Variants in CCDC170 observed in about 807,000 individuals in gnomAD.
CCDC170 encodes coiled-coil domain-containing protein 170.
In CCDC170, 69 loss-of-function variants were observed where a neutral mutation model predicts 72.6. The observed-to-expected ratio is 0.95, with a 90% CI of 0.78 to 1.16. The LOEUF (loss-of-function observed/expected upper bound fraction) is 1.16. Among genes scored for constraint, CCDC170 ranks in the 50% most tolerant of loss-of-function variants. CCDC170 has a pLI of 0.00. For missense variants in CCDC170, 852 were observed against 832.5 expected (o/e 1.02, Z -0.29); for synonymous variants, 300 against 303.9 (o/e 0.99, Z 0.13).
chr6:151,586,929 C>T (rs1174815214), intron 7 of CCDC170, among the ~76,000 whole-genome samples: 2 of 151,802 alleles, frequency 1.3e-5, no homozygotes, highest in Non-Finnish European at 2.9e-5. Flanking sequence ...AGATTACAGG[C>T]GCCCGCCACC....
At chr6:151,535,602 G>T (rs946928301) in intron 1 of CCDC170, among the ~76,000 whole-genome samples, 4 of 152,176 alleles carry the variant, frequency 2.6e-5, no homozygotes, top group African/African-American at 9.6e-5. Context: ...TCATCTTTGT[G>T]ATCTGGACAA....
chr6:151,573,128 T>G (rs763487641), intron 5 of CCDC170, 46 bp from the exon 6 acceptor site: 1 of 1,538,890 alleles, frequency 6.5e-7, no homozygotes, highest in East Asian at 2.3e-5. Context: ...AGGTGTACCC[T>G]GTTGACTTCT....
chr6:151,554,531 C>G (rs1237579641), intron 5 of CCDC170, among the ~76,000 whole-genome samples: 1 of 152,028 alleles, frequency 6.6e-6, no homozygotes, highest in Non-Finnish European at 1.5e-5. Context: ...TTGAGACCAG[C>G]CTGACCAACA....
intron 1 of CCDC170, among the ~76,000 whole-genome samples, chr6:151,500,069 C>A (rs1429172599): frequency 6.6e-6 from 1 of 152,162 alleles, no homozygotes; most frequent in Non-Finnish European, 1.5e-5. Flanking sequence ...CAGCAGTGCA[C>A]AAAGGTTTTC....
chr6:151,527,050 A>ATTTTTT (rs56941290), intron 1 of CCDC170, among the ~76,000 whole-genome samples: 4 of 69,682 alleles, frequency 5.7e-5, no homozygotes, highest in South Asian at 5.6e-4. Flanking sequence ...ATGCTTAGCT[A>ATTTTTT]TTTTTTTTTT....
At chr6:151,563,418 T>A (rs1375878527) in intron 5 of CCDC170, among the ~76,000 whole-genome samples, 1 of 152,124 alleles carries the variant, frequency 6.6e-6, no homozygotes, top group Non-Finnish European at 1.5e-5. Flanking sequence ...TGGGCTGTGC[T>A]CCCCTCTCCC....
At chr6:151,609,198 T>A (rs1300611951) in intron 9 of CCDC170, among the ~76,000 whole-genome samples, 1 of 152,150 alleles carries the variant, frequency 6.6e-6, no homozygotes, top group East Asian at 1.9e-4. Flanking sequence ...TGGTTGCCTT[T>A]AGTTAGCCAT....
At chr6:151,537,151 C>G (rs891175717) in intron 2 of CCDC170, among the ~76,000 whole-genome samples, 1 of 152,120 alleles carries the variant, frequency 6.6e-6, no homozygotes, top group South Asian at 2.1e-4. Flanking sequence ...TTCCAACTGG[C>G]TGGGGAAATT....
At chr6:151,545,529 G>A (rs562683574) in intron 4 of CCDC170, among the ~76,000 whole-genome samples, 1 of 152,194 alleles carries the variant, frequency 6.6e-6, no homozygotes, top group South Asian at 2.1e-4. Context: ...TGCTTCATTA[G>A]GGTACCTGAA....
intron 9 of CCDC170, 80 bp downstream of exon 9, chr6:151,596,657 G>A (rs1776630633): frequency 5.8e-6 from 9 of 1,540,494 alleles, no homozygotes; most frequent in East Asian, 2.3e-5. Context: ...CAGCTTTATC[G>A]GGACACGCCA....
At chr6:151,545,912 T>A (rs888503525) in intron 4 of CCDC170, among the ~76,000 whole-genome samples, 2 of 151,924 alleles carry the variant, frequency 1.3e-5, no homozygotes. Context: ...GTGAGTACAG[T>A]TGTGGGCCAC....
chr6:151,524,929 C>CTTTTTTT (rs34288029), intron 1 of CCDC170, among the ~76,000 whole-genome samples: 20 of 110,006 alleles, frequency 1.8e-4, no homozygotes, highest in African/African-American at 4.4e-4. Flanking sequence ...TAGTCTGATT[C>CTTTTTTT]TTTTTTTTTT....
At chr6:151,609,793 T>G (rs1031068186) in intron 9 of CCDC170, among the ~76,000 whole-genome samples, 63 of 152,238 alleles carry the variant, frequency 4.1e-4, no homozygotes, top group African/African-American at 1.5e-3. Flanking sequence ...TCTGCCCTGG[T>G]GGCTTGGCTC....
At chr6:151,532,503 A>G (rs1476433046) in intron 1 of CCDC170, among the ~76,000 whole-genome samples, 1 of 151,938 alleles carries the variant, frequency 6.6e-6, no homozygotes, top group Non-Finnish European at 1.5e-5. Context: ...GCTACTCGGG[A>G]GGCTGAGGCA....
intron 1 of CCDC170, among the ~76,000 whole-genome samples, chr6:151,514,340 G>A (rs1782198168): frequency 1.1e-5 from 1 of 92,586 alleles, no homozygotes; most frequent in South Asian, 3.8e-4. Flanking sequence ...AAGGAAGGAG[G>A]GAGGGAGGGA....
Position 151,573,357 on chromosome 6 carries a change from C to T in CCDC170, c.958C>T (p.Gln320Ter). ...CAGTCAGGATGCAGTCACAACCTCA[C>T]AAAGCCAGTACTTCTCATTTAGGGA... ...KASQDAVTTSQSQYFSFREKI... is the reference protein window; with the variant it reads ...KASQDAVTTS Residue 320 changes from glutamine (Q) to a stop codon, truncating the protein, a stop_gained, in exon 6 of 11, where the codon CAA (glutamine) becomes TAA (stop). Coordinates refer to ENST00000239374, the MANE Select transcript of CCDC170 (RefSeq NM_025059.4). LOFTEE classifies it high-confidence loss of function. 1 of 1,614,164 alleles carries T rather than the reference C, an allele frequency of 6.2e-7. No individual in the cohort carries two copies. Among genetic ancestry groups the T allele is most frequent in the Non-Finnish European group, 8.5e-7 (1 of 1,180,020 alleles).
In CCDC170 at chr6:151,585,991, A is replaced by T. The variant is rs1394327620; in HGVS notation, c.1195A>T (p.Asn399Tyr). 5 of 1,614,048 alleles carry T rather than the reference A, an allele frequency of 3.1e-6. No individual in the cohort carries two copies. The highest frequency in any genetic ancestry group is 3.4e-6 in the Non-Finnish European group (4 of 1,180,020). The change falls in exon 7 of 11, where the codon AAT becomes TAT. Residue 399 changes from asparagine (N) to tyrosine (Y), a missense_variant. Transcript: ENST00000239374. ...KALQRAQKAE[N>Y]MLETLQGQLT... Reference sequence around the variant, plus strand: ...TCTCCAGAGGGCCCAGAAAGCAGAGAATATGTTGGAGACTCTTCAGGGTCA... The same window carrying T: ...TCTCCAGAGGGCCCAGAAAGCAGAGTATATGTTGGAGACTCTTCAGGGTCA...
Position 151,494,178 on chromosome 6 carries a change from C to G in CCDC170, c.50C>G (p.Ala17Gly), listed in dbSNP as rs770061562. ...ATCGCGCTGGGTGCCGCTTCGCCAG[C>G]GCCCGAGGTACGGTCCCAGCCGCCG... The part of the protein sequence containing the change: ...SHIALGAASP[A>G]PEETYDHLSE... Residue 17 changes from alanine to glycine, a missense_variant, in exon 1 of 11, where the codon GCG (alanine) becomes GGG (glycine). Transcript: ENST00000239374. 2.6e-6 allele frequency: 4 copies of G among 1,516,046 alleles called. No homozygotes were observed. The South Asian group carries it at 4.9e-5, about 19-fold the overall frequency. 93.9% of individuals were successfully genotyped at this position (1,516,046 alleles called of 1,614,324 possible). A position where few individuals can be genotyped will look rare whatever the true frequency, so the allele number is the denominator to read the frequency against.
intron 1 of CCDC170, among the ~76,000 whole-genome samples, chr6:151,533,464 C>T (rs6923350): frequency 0.87 from 132,154 of 151,636 alleles, 57,695 homozygotes; most frequent in East Asian, 0.99. Flanking sequence ...GGTTGGGAGT[C>T]CAAGACCAGC....
Sources: gnomAD v4.1 joint callset for allele counts (sites outside exome capture counted in the v4.1 genomes callset) on GRCh38, gnomAD v4.1.1 for gene constraint, MANE v1.5 for transcripts, NCBI Gene and HGNC (gene_info 2026-07-23, HGNC 2026-07-21) for gene names.